PTGS2: variants seen among roughly 807,000 people sequenced by gnomAD.
The protein encoded by PTGS2 is prostaglandin G/H synthase 2.
Under a neutral mutation model 63.8 loss-of-function variants are expected in PTGS2, and 14 were observed. That is an observed-to-expected ratio of 0.22 (90% CI 0.14 to 0.34). The LOEUF (loss-of-function observed/expected upper bound fraction) is 0.34. Ranked by LOEUF, PTGS2 falls within the 10% of genes least tolerant of loss-of-function variation. PTGS2 has a pLI of 1.00. For missense variants in PTGS2, 533 were observed against 738.5 expected (o/e 0.72, Z 3.23); for synonymous variants, 271 against 259.5 (o/e 1.04, Z -0.43).
At chr1:186,676,788 G>C in intron 6 of PTGS2, 45 bp downstream of exon 6, 1 of 1,600,486 alleles carries the variant, frequency 6.2e-7, no homozygotes, top group Non-Finnish European at 8.5e-7. Flanking sequence ...TAAAATATGG[G>C]TATAAGCGGT....
rs200648161 is a variant in PTGS2 at position 186,671,806 on chromosome 1, A to C, written c.*2547T>G. On this transcript the variant is annotated 3_prime_UTR_variant, in exon 10 of 10. Transcript: ENST00000367468. The stretch of plus-strand genomic sequence containing the variant: ...GACAAAGATGTATAGAAACAATCAA[A>C]GTTTATCTTCAGAAAAGATCTGTCA... The C allele has an allele frequency of 6.6e-6, 1 of 152,180 alleles. No individual in the cohort carries two copies. Among genetic ancestry groups the C allele is most frequent in the Non-Finnish European group, 1.5e-5 (1 of 68,002 alleles). The allele number at this position is 152,180 out of a possible 1,614,324, so 9.4% of individuals were successfully genotyped here.
At chr1:186,679,846 CT>C (rs1665845594) in intron 1 of PTGS2, among the ~76,000 whole-genome samples, 1 of 152,146 alleles carries the variant, frequency 6.6e-6, no homozygotes, top group Admixed American at 6.5e-5. Flanking sequence ...ATAATCCGGG[CT>C]TTCCTGGGAG....
chr1:186,673,356 T>A lies in PTGS2; in HGVS notation c.*997A>T, dbSNP rs1190717827. On this transcript the variant is annotated 3_prime_UTR_variant, in exon 10 of 10. Transcript: ENST00000367468. ...CATAGCAAAATCTGAGTACCAGGCC[T>A]GCAGTGCACAAGGATAAAAAAAAGT... is the stretch of plus-strand genomic sequence containing the variant. 9 of 152,178 alleles carry A rather than the reference T, an allele frequency of 5.9e-5. No homozygotes were observed. The highest frequency in any genetic ancestry group is 5.9e-4 in the Admixed American group (9 of 15,274). 9.4% of individuals were successfully genotyped at this position (152,178 alleles called of 1,614,324 possible). A position where few individuals can be genotyped will look rare whatever the true frequency, so the allele number is the denominator to read the frequency against.
chr1:186,675,048 G>A (rs1175926126), intron 9 of PTGS2, among the ~76,000 whole-genome samples: 1 of 152,164 alleles, frequency 6.6e-6, no homozygotes, highest in African/African-American at 2.4e-5. Flanking sequence ...CGTGCGACGT[G>A]AGCCTGTAGT....
In PTGS2 at chr1:186,673,829, G is replaced by A. The variant is rs1290682004; in HGVS notation, c.*524C>T. The A allele has an allele frequency of 1.3e-5, 2 of 152,082 alleles. No individual in the cohort carries two copies. The highest frequency in any genetic ancestry group is 4.8e-5 in the African/African-American group (2 of 41,434). The allele number at this position is 152,082 out of a possible 1,614,324, so 9.4% of individuals were successfully genotyped here. On this transcript the variant is annotated 3_prime_UTR_variant, in exon 10 of 10. Transcript: ENST00000367468. The stretch of plus-strand genomic sequence containing the variant: ...AATTTCAAATTATTGTTTCATTGCT[G>A]ATTTTAAAAAGTAGACATGAAATTA...
At chr1:186,676,416 A>G in intron 7 of PTGS2, 51 bp downstream of exon 7, 2 of 1,590,522 alleles carry the variant, frequency 1.3e-6, no homozygotes, top group Non-Finnish European at 1.7e-6. Flanking sequence ...AAGATAGCAC[A>G]CTAATTTTCC....
In PTGS2 at chr1:186,674,582, G is replaced by A. The variant is rs201922079; in HGVS notation, c.1586C>T (p.Ala529Val). The A allele has an allele frequency of 3.1e-6, 5 of 1,614,164 alleles. No homozygotes were observed. The highest frequency in any genetic ancestry group is 4.2e-6 in the Non-Finnish European group (5 of 1,180,028). The change falls in exon 10 of 10, where the codon GCC becomes GTC. Residue 529 changes from alanine (A) to valine (V), a missense_variant. Ala to Val is a moderately conservative substitution (Grantham distance 64). Transcript: ENST00000367468. Reference sequence around the variant, plus strand: ...ACCAAAAGTGCTTGGCTTCCAGTAGGCAGGAGAACATATAACATTACCCAT... The same window carrying A: ...ACCAAAAGTGCTTGGCTTCCAGTAGACAGGAGAACATATAACATTACCCAT... ...GLMGNVICSP[A>V]YWKPSTFGGE...
rs1374896875 is a variant in PTGS2 at position 186,675,908 on chromosome 1, A to G, written c.1247T>C (p.Ile416Thr). The change falls in exon 8 of 10, where the codon ATT (isoleucine) becomes ACT (threonine). Residue 416 changes from isoleucine (I) to threonine (T), a missense_variant. This residue lies in a region of PTGS2 where 219 missense variants were observed against 267.4 expected (regional missense o/e 0.82). Transcript: ENST00000367468. ...TQFVESFTRQIAGRVAGGRNV... is the reference protein window; with the variant it reads ...TQFVESFTRQTAGRVAGGRNV... ...AATAATAATGCTTACCCTGCCAGCA[A>G]TTTGCCTGGTGAATGATTCAACAAA... The G allele has an allele frequency of 2.5e-6, 4 of 1,609,926 alleles. No homozygotes were observed. The highest frequency in any genetic ancestry group is 3.4e-6 in the Non-Finnish European group (4 of 1,176,702).
intron 5 of PTGS2, 72 bp from the exon 6 acceptor site, chr1:186,676,988 TTCA>T (rs1665793510): frequency 2.8e-6 from 3 of 1,055,044 alleles, no homozygotes; most frequent in Non-Finnish European, 4.2e-6. Context: ...TATCATATAA[TTCA>T]TCATTAAATA....
In PTGS2 at chr1:186,672,876, A is replaced by G. The variant is rs1441121819; in HGVS notation, c.*1477T>C. 1 of 152,202 alleles carries G rather than the reference A, an allele frequency of 6.6e-6. No homozygotes were observed. Among genetic ancestry groups the G allele is most frequent in the Non-Finnish European group, 1.5e-5 (1 of 67,990 alleles). The allele number at this position is 152,202 out of a possible 1,614,324, so 9.4% of individuals were successfully genotyped here. A position where few individuals can be genotyped will look rare whatever the true frequency, so the allele number is the denominator to read the frequency against. On this transcript the variant is annotated 3_prime_UTR_variant, in exon 10 of 10. Coordinates refer to ENST00000367468, the MANE Select transcript of PTGS2 (RefSeq NM_000963.4). ...TGCTTTTCACTTAAAATAAGTGTAT[A>G]CTATTTTTAAAAGGGCCTTTTTTTT...
In PTGS2 at chr1:186,680,408, A is replaced by T. The variant is rs4648257; in HGVS notation, c.-118T>A. 5.6e-4 allele frequency: 377 copies of T among 675,100 alleles called. 4 individuals carry two copies. In the East Asian group the frequency reaches 0.011, roughly 20 times the overall value. 41.8% of individuals were successfully genotyped at this position (675,100 alleles called of 1,614,324 possible). A position where few individuals can be genotyped will look rare whatever the true frequency, so the allele number is the denominator to read the frequency against. On this transcript the variant is annotated 5_prime_UTR_variant, in exon 1 of 10. Coordinates refer to ENST00000367468, the MANE Select transcript of PTGS2 (RefSeq NM_000963.4). The stretch of plus-strand genomic sequence containing the variant: ...TGGACGTGCTCCTGACGCTCACTGC[A>T]AGTCGTATGACAATTGGTCGCTAAC...
chr1:186,678,135 AC>A (rs1665813545), intron 4 of PTGS2, 125 bp downstream of exon 4: 1 of 993,936 alleles, frequency 1.0e-6, no homozygotes, highest in African/African-American at 1.7e-5. Flanking sequence ...CCCATAGATA[AC>A]CATGCTAAAA....
At chr1:186,675,132 G>T (rs1267984996) in intron 9 of PTGS2, 117 bp downstream of exon 9, 3 of 1,332,346 alleles carry the variant, frequency 2.3e-6, no homozygotes, top group Non-Finnish European at 3.1e-6. Context: ...AGCCGAGATG[G>T]CGCCACTGCA....
In PTGS2 at chr1:186,672,671, T is replaced by G. The variant is rs201377863; in HGVS notation, c.*1682A>C. The G allele has an allele frequency of 3.9e-5, 6 of 152,548 alleles. No individual in the cohort carries two copies. Among genetic ancestry groups the G allele is most frequent in the Non-Finnish European group, 7.4e-5 (5 of 67,994 alleles). The allele number at this position is 152,548 out of a possible 1,614,324, so 9.4% of individuals were successfully genotyped here. A position where few individuals can be genotyped will look rare whatever the true frequency, so the allele number is the denominator to read the frequency against. Reference sequence around the variant, plus strand: ...AAAAGAAGTATTATCGTCATTATTATTATTGCTGAGAACTACTTAGATATC... The same window carrying G: ...AAAAGAAGTATTATCGTCATTATTAGTATTGCTGAGAACTACTTAGATATC... On this transcript the variant is annotated 3_prime_UTR_variant, in exon 10 of 10. Transcript: ENST00000367468.
rs1324573859 is a variant in PTGS2 at position 186,680,346 on chromosome 1, G to T, written c.-56C>A. The T allele has an allele frequency of 2.9e-6, 4 of 1,390,794 alleles. No individual in the cohort carries two copies. Among genetic ancestry groups the T allele is most frequent in the African/African-American group, 2.9e-5 (2 of 69,160 alleles). The allele number at this position is 1,390,794 out of a possible 1,614,324, so 86.2% of individuals were successfully genotyped here. A position where few individuals can be genotyped will look rare whatever the true frequency, so the allele number is the denominator to read the frequency against. On this transcript the variant is annotated 5_prime_UTR_variant, in exon 1 of 10. Coordinates refer to ENST00000367468, the MANE Select transcript of PTGS2 (RefSeq NM_000963.4). ...TAGGCTTTGCTGTCTGAGGGCGTCT[G>T]GCTGTGGAGCTGAAGGAGGCGCTGC...
rs1665808407 is a variant in PTGS2 at position 186,677,820 on chromosome 1, C to G, written c.468G>C (p.Gln156His). 6 of 1,613,162 alleles carry G rather than the reference C, an allele frequency of 3.7e-6. No individual in the cohort carries two copies. The highest frequency in any genetic ancestry group is 5.1e-6 in the Non-Finnish European group (6 of 1,179,728). ...CCACAATCTCATTTGAATCAGGAAG[C>G]TGCTTTTTACCTGAAAAATGAGAAA... ...PTPLGVKGKK[Q>H]LPDSNEIVEK... Residue 156 changes from glutamine to histidine, a missense_variant, in exon 5 of 10, where the codon CAG becomes CAC. This residue lies in a region of PTGS2 where 118 missense variants were observed against 138.7 expected (regional missense o/e 0.85). Coordinates refer to ENST00000367468, the MANE Select transcript of PTGS2 (RefSeq NM_000963.4).
At chr1:186,676,326 A>T in intron 7 of PTGS2, 141 bp downstream of exon 7, 1 of 1,365,958 alleles carries the variant, frequency 7.3e-7, no homozygotes, top group Non-Finnish European at 1.0e-6. Context: ...CTATTTTATC[A>T]GTCATGCTTA....
At position 186,676,513 on chromosome 1, in the gene PTGS2, T is replaced by C. The variant is rs756149409; in HGVS notation, c.924A>G (p.Glu308=). 1 of 1,614,156 alleles carries C rather than the reference T, an allele frequency of 6.2e-7. No individual in the cohort carries two copies. The highest frequency in any genetic ancestry group is 2.2e-5 in the East Asian group (1 of 44,878). The change falls in exon 7 of 10, where the codon GAA becomes GAG. Residue 308 remains glutamate (E), a synonymous_variant. Coordinates refer to ENST00000367468, the MANE Select transcript of PTGS2 (RefSeq NM_000963.4). ...VCDVLKQEHP[E]WGDEQLFQTS... ...TCTGGAACAACTGCTCATCACCCCATTCAGGATGCTCCTGTTTAAGCACAT... is the reference window on the plus strand; with the variant it reads ...TCTGGAACAACTGCTCATCACCCCACTCAGGATGCTCCTGTTTAAGCACAT...
At chr1:186,676,966 A>T (rs574948723) in intron 5 of PTGS2, 50 bp from the exon 6 acceptor site, 23 of 1,342,568 alleles carry the variant, frequency 1.7e-5, no homozygotes, top group Non-Finnish European at 2.4e-5. Flanking sequence ...AGTTTTTCTT[A>T]TATAAAGTGT....
Sources: gnomAD v4.1 joint callset for allele counts (sites outside exome capture counted in the v4.1 genomes callset) on GRCh38, gnomAD v4.1.1 for gene constraint, gnomAD v4.1.1 regional missense constraint, MANE v1.5 for transcripts, NCBI Gene and HGNC (gene_info 2026-07-23, HGNC 2026-07-21) for gene names.